The following GALNT18 variants were observed in gnomAD, a reference collection of about 807,000 sequenced individuals.
The protein encoded by GALNT18 is polypeptide N-acetylgalactosaminyltransferase 18.
A neutral mutation model predicts 69.5 loss-of-function variants in GALNT18; 44 were observed. The observed-to-expected ratio is 0.63, with a 90% CI of 0.50 to 0.81. The LOEUF (loss-of-function observed/expected upper bound fraction) is 0.81. GALNT18 is among the 40% of genes least tolerant of loss of function. The pLI, the probability that GALNT18 is intolerant of heterozygous loss-of-function variation, is 0.00. For synonymous variants in GALNT18, 364 were observed against 318.2 expected (o/e 1.14, Z -1.53); for missense variants, 715 against 810.0 (o/e 0.88, Z 1.42).
chr11:11,362,053 A>C (rs893824354), intron 6 of GALNT18, among the ~76,000 whole-genome samples: 3 of 152,220 alleles, frequency 2.0e-5, no homozygotes, highest in African/African-American at 7.2e-5. Context: ...TTGTACAATA[A>C]AGGTAGTTTT....
intron 9 of GALNT18, among the ~76,000 whole-genome samples, chr11:11,326,279 C>T (rs906457236): frequency 2.6e-5 from 4 of 152,096 alleles, no homozygotes; most frequent in Admixed American, 6.6e-5. Context: ...CTCCTGAACT[C>T]GTGATCCACC....
intron 6 of GALNT18, chr11:11,353,166 G>A: frequency 6.2e-7 from 1 of 1,606,640 alleles, no homozygotes; most frequent in Non-Finnish European, 8.5e-7. Flanking sequence ...TTGGAGATCT[G>A]GCAGTCACTG....
Position 11,621,582 on chromosome 11 carries a change from G to T in GALNT18, c.12C>A (p.Thr4=). The part of the protein sequence containing the change: MVC[T]RKTKTLVSTC... ...TGGACACCAAAGTTTTGGTCTTCCT[G>T]GTGCACACCATTCTGGGCTCCTTCC... is the stretch of plus-strand genomic sequence containing the variant. Residue 4 remains threonine (T), a synonymous_variant, in exon 1 of 11, where the codon ACC becomes ACA. Coordinates refer to ENST00000227756, the MANE Select transcript of GALNT18 (RefSeq NM_198516.3). This position sits in a 1 kb window ranked among gnomAD's most constrained non-coding sequence, Gnocchi z 9.3. 1 of 1,600,356 alleles carries T rather than the reference G, an allele frequency of 6.2e-7. No homozygotes were observed. The highest frequency in any genetic ancestry group is 2.3e-5 in the East Asian group (1 of 44,180).
At chr11:11,433,276 A>C (rs1386340647) in intron 2 of GALNT18, among the ~76,000 whole-genome samples, 2 of 152,186 alleles carry the variant, frequency 1.3e-5, no homozygotes, top group Non-Finnish European at 2.9e-5. Context: ...TCCAGAAGGC[A>C]TACTGCCTGC....
intron 6 of GALNT18, among the ~76,000 whole-genome samples, chr11:11,366,492 T>A (rs766430817): frequency 7.9e-5 from 12 of 152,204 alleles, no homozygotes; most frequent in Non-Finnish European, 1.6e-4. Context: ...ATGATTAGAA[T>A]AATGAGATAA....
intron 3 of GALNT18, among the ~76,000 whole-genome samples, chr11:11,424,966 C>A (rs1322364011): frequency 7.9e-5 from 12 of 152,132 alleles, no homozygotes; most frequent in Admixed American, 7.9e-4. Context: ...GATGAGACTG[C>A]CTGTGCGGGA....
chr11:11,367,851 T>C (rs1327283613), intron 6 of GALNT18, among the ~76,000 whole-genome samples: 2 of 152,232 alleles, frequency 1.3e-5, no homozygotes, highest in Non-Finnish European at 2.9e-5. Context: ...TATGTACTTT[T>C]TGTCTTATTG....
intron 6 of GALNT18, among the ~76,000 whole-genome samples, chr11:11,350,933 G>A (rs939989495): frequency 6.6e-6 from 1 of 152,158 alleles, no homozygotes; most frequent in Non-Finnish European, 1.5e-5. Flanking sequence ...TCTATTTCCA[G>A]CAGTTCTGAG....
intron 1 of GALNT18, among the ~76,000 whole-genome samples, chr11:11,568,112 C>T (rs1722897367): frequency 6.6e-6 from 1 of 152,230 alleles, no homozygotes; most frequent in African/African-American, 2.4e-5. Flanking sequence ...GGCTCAGCCT[C>T]TTGCTGTTCT....
chr11:11,406,257 C>T (rs1854585599), intron 3 of GALNT18, among the ~76,000 whole-genome samples: 1 of 152,224 alleles, frequency 6.6e-6, no homozygotes, highest in Non-Finnish European at 1.5e-5. Flanking sequence ...CTGTTGTAGA[C>T]AACCCTCCTT....
intron 1 of GALNT18, among the ~76,000 whole-genome samples, chr11:11,514,695 G>A (rs1224261968): frequency 2.0e-5 from 3 of 152,182 alleles, no homozygotes; most frequent in African/African-American, 7.2e-5. Context: ...GCTCCCAGCT[G>A]CTTCCATCTG....
At position 11,587,299 on chromosome 11, in the gene GALNT18, T is replaced by C. The variant is rs998526042; in HGVS notation, c.235+34060A>G. On this transcript the variant is annotated intron_variant, in intron 1 of 10. Coordinates refer to ENST00000227756, the MANE Select transcript of GALNT18 (RefSeq NM_198516.3). This position sits in a 1 kb window ranked among gnomAD's most constrained non-coding sequence, Gnocchi z 4.4. ...CTTGGAGGCAATTTGAGACTTGGGC[T>C]GAAAGGGGAAGCATTCCACAGAGTT... 1.3e-5 allele frequency among the ~76,000 whole-genome samples: 2 copies of C among 152,222 alleles called. No homozygotes were observed. The highest frequency in any genetic ancestry group is 4.8e-5 in the African/African-American group (2 of 41,456).
chr11:11,299,627 A>C (rs1011273178), intron 9 of GALNT18, among the ~76,000 whole-genome samples: 2 of 152,170 alleles, frequency 1.3e-5, no homozygotes, highest in African/African-American at 2.4e-5. Context: ...ACTCCATCCA[A>C]GTTGCTGCAA....
At chr11:11,504,023 G>T (rs1181069299) in intron 1 of GALNT18, among the ~76,000 whole-genome samples, 1 of 152,140 alleles carries the variant, frequency 6.6e-6, no homozygotes, top group Non-Finnish European at 1.5e-5. Flanking sequence ...GATTTGTACT[G>T]GGTTCTTCTC....
In GALNT18 at chr11:11,379,043, C is replaced by A. The variant is rs201333604; in HGVS notation, c.779+38G>T. 1.3e-3 allele frequency: 2,049 copies of A among 1,518,120 alleles called. 3 individuals carry two copies. The highest frequency in any genetic ancestry group is 1.7e-3 in the Non-Finnish European group (1,910 of 1,136,418). The allele number at this position is 1,518,120 out of a possible 1,614,324, so 94.0% of individuals were successfully genotyped here. A position where few individuals can be genotyped will look rare whatever the true frequency, so the allele number is the denominator to read the frequency against. ...ACTATTGGAGCTGAAGCCCCAGATC[C>A]CACTGGGACTCCTCCTCCTCTCCCA... On this transcript the variant is annotated intron_variant, in intron 4 of 10. Coordinates refer to ENST00000227756, the MANE Select transcript of GALNT18 (RefSeq NM_198516.3).
chr11:11,324,006 C>T (rs1330262236), intron 9 of GALNT18, among the ~76,000 whole-genome samples: 2 of 152,162 alleles, frequency 1.3e-5, no homozygotes, highest in East Asian at 3.9e-4. Context: ...ATAGGATTAG[C>T]ATCCTTATAA....
rs929431621 is a variant in GALNT18 at position 11,573,751 on chromosome 11, G to A, written c.235+47608C>T. ...ATCTCCTATATTGTATCCTCATCAT[G>A]GTCTCAATAAACCCACTTGGAAGAT... On this transcript the variant is annotated intron_variant, in intron 1 of 10. Coordinates refer to ENST00000227756, the MANE Select transcript of GALNT18 (RefSeq NM_198516.3). This position sits in a 1 kb window ranked among gnomAD's most constrained non-coding sequence, Gnocchi z 4.6. 1.1e-4 allele frequency: 17 copies of A among 152,176 alleles called. No individual in the cohort carries two copies. Among genetic ancestry groups the A allele is most frequent in the African/African-American group, 3.9e-4 (16 of 41,452 alleles). 9.4% of individuals were successfully genotyped at this position (152,176 alleles called of 1,614,324 possible). A position where few individuals can be genotyped will look rare whatever the true frequency, so the allele number is the denominator to read the frequency against.
intron 1 of GALNT18, among the ~76,000 whole-genome samples, chr11:11,471,803 G>A (rs928544077): frequency 2.0e-5 from 3 of 152,206 alleles, no homozygotes; most frequent in Admixed American, 1.3e-4. Context: ...CCTGACCAGT[G>A]GGGCCATAAG....
At chr11:11,457,059 G>A (rs1855940384) in intron 1 of GALNT18, among the ~76,000 whole-genome samples, 1 of 152,228 alleles carries the variant, frequency 6.6e-6, no homozygotes, top group South Asian at 2.1e-4. Context: ...GAGCACATCT[G>A]GAGGCCCTGC....
Sources: gnomAD v4.1 joint callset for allele counts (sites outside exome capture counted in the v4.1 genomes callset) on GRCh38, gnomAD v4.1.1 for gene constraint, Gnocchi (gnomAD v3.1) non-coding constraint, MANE v1.5 for transcripts, NCBI Gene and HGNC (gene_info 2026-07-23, HGNC 2026-07-21) for gene names.